Variants in TNIK observed in about 807,000 individuals in gnomAD.
TNIK encodes the protein TRAF2 and NCK-interacting protein kinase.
In TNIK, 49 loss-of-function variants were observed where a neutral mutation model predicts 191.3. That is an observed-to-expected ratio of 0.26 (90% confidence interval 0.20 to 0.32). The LOEUF (loss-of-function observed/expected upper bound fraction) is 0.32. Among genes scored for constraint, TNIK ranks in the 10% least tolerant of loss-of-function variants. TNIK has a pLI of 1.00. For synonymous variants in TNIK, 594 were observed against 600.9 expected (o/e 0.99, Z 0.17); for missense variants, 1,155 against 1,702.3 (o/e 0.68, Z 5.66).
chr3:171,350,572 TAAC>T (rs928799818), intron 2 of TNIK, among the ~76,000 whole-genome samples: 10 of 101,756 alleles, frequency 9.8e-5, no homozygotes, highest in East Asian at 3.0e-4. Context: ...GATTTCCATA[TAAC>T]AAGTTTAAAG....
At chr3:171,244,215 C>A (rs1745331315) in intron 2 of TNIK, among the ~76,000 whole-genome samples, 1 of 152,028 alleles carries the variant, frequency 6.6e-6, no homozygotes, top group Non-Finnish European at 1.5e-5. Context: ...CAGGCGCCCG[C>A]CACCACGCCC....
rs542880143 is a variant in TNIK at position 171,283,981 on chromosome 3, T to C, written c.124-55760A>G. ...AGCTTCATTGGCAAAGACAATGGGATCTCATATCTAGAAACAAAACTTTCT... is the reference window on the plus strand; with the variant it reads ...AGCTTCATTGGCAAAGACAATGGGACCTCATATCTAGAAACAAAACTTTCT... On this transcript the variant is annotated intron_variant, in intron 2 of 32. Transcript: ENST00000436636. 2.8e-4 allele frequency among the ~76,000 whole-genome samples: 42 copies of C among 152,276 alleles called. 2 individuals are homozygous for C. In the East Asian group the frequency reaches 7.9e-3, roughly 29 times the overall value.
intron 1 of TNIK, among the ~76,000 whole-genome samples, chr3:171,437,651 G>C (rs1170667007): frequency 1.3e-5 from 2 of 152,212 alleles, no homozygotes; most frequent in Non-Finnish European, 2.9e-5. Context: ...CCAACAGTCA[G>C]GGAGGTGAGA....
chr3:171,409,184 C>A (rs1290756343), intron 1 of TNIK, among the ~76,000 whole-genome samples: 2 of 152,104 alleles, frequency 1.3e-5, no homozygotes, highest in African/African-American at 4.8e-5. Flanking sequence ...TAGCAACAAG[C>A]AACTTGATAT....
intron 21 of TNIK, 95 bp from the exon 22 acceptor site, chr3:171,101,728 A>G (rs1723599784): frequency 7.7e-7 from 1 of 1,291,234 alleles, no homozygotes; most frequent in African/African-American, 1.5e-5. Context: ...CAACAAGAAA[A>G]AAAAAAGCTC....
intron 1 of TNIK, among the ~76,000 whole-genome samples, chr3:171,381,211 T>C (rs1357724365): frequency 6.6e-6 from 1 of 152,198 alleles, no homozygotes; most frequent in Non-Finnish European, 1.5e-5. Context: ...TTTGGCAGAC[T>C]CAAGAAGCTA....
intron 12 of TNIK, among the ~76,000 whole-genome samples, chr3:171,140,965 C>A (rs1047335935): frequency 1.3e-5 from 2 of 152,158 alleles, no homozygotes; most frequent in Admixed American, 6.5e-5. Flanking sequence ...TATTCAAAGC[C>A]ATACAGAATT....
intron 2 of TNIK, among the ~76,000 whole-genome samples, chr3:171,267,997 A>G (rs1178869374): frequency 6.6e-6 from 1 of 152,168 alleles, no homozygotes; most frequent in East Asian, 1.9e-4. Flanking sequence ...ATCAGAAGAA[A>G]TTCAGCATGA....
rs61264225 is a variant in TNIK, at chr3:171,209,064, GGTGTGT to G, written c.306+2046_306+2051del. Among the ~76,000 whole-genome samples the G allele has an allele frequency of 7.5e-4, 106 of 142,110 alleles. No individual in the cohort carries two copies. The East Asian group carries it at 0.018, about 24-fold the overall frequency. 93.2% of individuals were successfully genotyped at this position (142,110 alleles called of 152,430 possible). On this transcript the variant is annotated intron_variant, in intron 4 of 32. Coordinates refer to ENST00000436636, the MANE Select transcript of TNIK (RefSeq NM_015028.4). ...AAAGTAAGGTGTTTGCTTTGGAAGGGGTGTGTGTGTGTGTGTGTGTGTGTGTGTGTG... is the reference window on the plus strand; with the variant it reads ...AAAGTAAGGTGTTTGCTTTGGAAGGGGTGTGTGTGTGTGTGTGTGTGTGTG...
intron 1 of TNIK, among the ~76,000 whole-genome samples, chr3:171,443,558 G>A (rs1727103402): frequency 6.6e-6 from 1 of 152,038 alleles, no homozygotes; most frequent in Admixed American, 6.6e-5. Flanking sequence ...ACAGGGCCCA[G>A]CACACTGGCT....
chr3:171,297,900 C>T (rs1031889097), intron 2 of TNIK, among the ~76,000 whole-genome samples: 2 of 152,164 alleles, frequency 1.3e-5, no homozygotes, highest in Non-Finnish European at 2.9e-5. Context: ...TAAAGAGTGG[C>T]AATTAAATCT....
intron 7 of TNIK, among the ~76,000 whole-genome samples, chr3:171,187,358 T>C (rs978132348): frequency 9.9e-5 from 15 of 152,200 alleles, no homozygotes; most frequent in African/African-American, 3.4e-4. Flanking sequence ...CAGATTGTTG[T>C]CAGGTTATTA....
At position 171,246,286 on chromosome 3, in the gene TNIK, T is replaced by TA. The variant is rs1553868133; in HGVS notation, c.124-18066dup. On this transcript the variant is annotated intron_variant, in intron 2 of 32. Coordinates refer to ENST00000436636, the MANE Select transcript of TNIK (RefSeq NM_015028.4). Reference sequence around the variant, plus strand: ...ACTGACACTTGGGTAGAGAACCAGATAAAAAAAAAAAAATGCCTTTCTATT... The same window carrying TA: ...ACTGACACTTGGGTAGAGAACCAGATAAAAAAAAAAAAAATGCCTTTCTATT... Among the ~76,000 whole-genome samples the TA allele has an allele frequency of 1.6e-3, 182 of 112,904 alleles. 1 individual carries two copies. The highest frequency in any genetic ancestry group is 8.5e-3 in the East Asian group (40 of 4,684). 74.1% of individuals were successfully genotyped at this position (112,904 alleles called of 152,430 possible).
intron 1 of TNIK, among the ~76,000 whole-genome samples, chr3:171,406,420 T>G (rs1463621841): frequency 6.6e-6 from 1 of 151,566 alleles, no homozygotes; most frequent in Non-Finnish European, 1.5e-5. Flanking sequence ...CCATTTGGGG[T>G]TTGGGGTTTA....
chr3:171,155,792 G>C (rs549691207), intron 12 of TNIK, among the ~76,000 whole-genome samples: 1 of 152,358 alleles, frequency 6.6e-6, no homozygotes, highest in East Asian at 1.9e-4. Context: ...TAGACATAGA[G>C]GCCAGATGAG....
chr3:171,170,716 T>A (rs576751086), intron 9 of TNIK, among the ~76,000 whole-genome samples: 1 of 152,342 alleles, frequency 6.6e-6, no homozygotes, highest in East Asian at 1.9e-4. Context: ...ATCATTGGAC[T>A]TAAGGAACAC....
chr3:171,060,163 C>T lies in TNIK; in HGVS notation c.*3718G>A, dbSNP rs1028368889. On this transcript the variant is annotated 3_prime_UTR_variant, in exon 33 of 33. Transcript: ENST00000436636. ...CTTCCACGTTTCAAGAATACAGTGA[C>T]GGGAACTGGTACACATAGTAGTAGG... is the stretch of plus-strand genomic sequence containing the variant. 5.9e-5 allele frequency among the ~76,000 whole-genome samples: 9 copies of T among 152,246 alleles called. No individual in the cohort carries two copies. Among genetic ancestry groups the T allele is most frequent in the Admixed American group, 2.0e-4 (3 of 15,294 alleles).
intron 4 of TNIK, among the ~76,000 whole-genome samples, chr3:171,199,155 T>C (rs1468261246): frequency 6.6e-6 from 1 of 151,920 alleles, no homozygotes; most frequent in East Asian, 1.9e-4. Context: ...TGCTAAATTC[T>C]TTTCCTCTCA....
chr3:171,270,746 T>A (rs1748991124), intron 2 of TNIK, among the ~76,000 whole-genome samples: 1 of 152,206 alleles, frequency 6.6e-6, no homozygotes, highest in African/African-American at 2.4e-5. Flanking sequence ...TCTATACCAC[T>A]GTCTAGTTGG....
Sources: gnomAD v4.1 joint callset for allele counts (sites outside exome capture counted in the v4.1 genomes callset) on GRCh38, gnomAD v4.1.1 for gene constraint, MANE v1.5 for transcripts, NCBI Gene and HGNC (gene_info 2026-07-23, HGNC 2026-07-21) for gene names.